SCRN3: variants seen among roughly 807,000 people sequenced by gnomAD.
SCRN3 encodes secernin-3.
A neutral mutation model predicts 43.1 loss-of-function variants in SCRN3; 39 were observed. The observed-to-expected ratio is 0.91, with a 90% CI of 0.70 to 1.18. The LOEUF (loss-of-function observed/expected upper bound fraction) is 1.18, where lower values mean the gene tolerates loss of function less well. SCRN3 is among the 50% of genes most tolerant of loss of function. SCRN3 has a pLI of 0.00. For synonymous variants in SCRN3, 147 were observed against 163.1 expected, an observed-to-expected ratio of 0.90 and a Z score of 0.75; for missense variants, 484 against 498.0, an observed-to-expected ratio of 0.97 and a Z score of 0.27.
At chr2:174,417,538 C>T (rs1374624311) in intron 5 of SCRN3, among the ~76,000 whole-genome samples, 3 of 152,080 alleles carry the variant, frequency 2.0e-5, no homozygotes, top group African/African-American at 7.2e-5. Context: ...GGATTACAGG[C>T]ACTCACCACC....
chr2:174,397,005 TA>T, intron 1 of SCRN3: 1 of 870,892 alleles, frequency 1.1e-6, no homozygotes, highest in Non-Finnish European at 1.4e-6. Flanking sequence ...AGAGAGAGAT[TA>T]AATAGTCTGC....
chr2:174,419,089 A>T (rs1686206630), intron 5 of SCRN3, among the ~76,000 whole-genome samples: 1 of 152,166 alleles, frequency 6.6e-6, no homozygotes, highest in South Asian at 2.1e-4. Context: ...AAATATTGTG[A>T]ATTACAATTT....
intron 5 of SCRN3, among the ~76,000 whole-genome samples, chr2:174,415,900 C>G (rs1409815416): frequency 6.6e-6 from 1 of 152,138 alleles, no homozygotes. Context: ...CCACCTTGGC[C>G]TATCAAAGTG....
rs1246603142 is a variant in SCRN3 at position 174,427,842 on chromosome 2, A to G, written c.1222A>G (p.Lys408Glu). The G allele has an allele frequency of 6.2e-7, 1 of 1,605,218 alleles. No individual in the cohort carries two copies. Among genetic ancestry groups the G allele is most frequent in the African/African-American group, 1.3e-5 (1 of 74,924 alleles). ...TGTTAATCTCTTTCCTCAGTGTACA[A>G]AAGATGAAATTCAAATTTATCAGTC... ...KIVNLFPQCT[K>E]DEIQIYQSNL... Residue 408 changes from lysine to glutamate, a missense_variant, in exon 8 of 8, where the codon AAA (lysine) becomes GAA (glutamate). By Grantham distance (56) the Lys-to-Glu change is moderately conservative. Coordinates refer to ENST00000272732, the MANE Select transcript of SCRN3 (RefSeq NM_024583.5).
intron 1 of SCRN3, chr2:174,397,479 A>G (rs1040350851): frequency 1.3e-5 from 9 of 690,784 alleles, no homozygotes; most frequent in Non-Finnish European, 1.6e-5. Flanking sequence ...AATATCAGCA[A>G]TTTGGAATTA....
intron 5 of SCRN3, among the ~76,000 whole-genome samples, chr2:174,416,371 A>G (rs1233077486): frequency 1.3e-5 from 2 of 152,206 alleles, no homozygotes; most frequent in African/African-American, 4.8e-5. Flanking sequence ...ATAAATGAAT[A>G]CCAGGTTTCT....
intron 1 of SCRN3, among the ~76,000 whole-genome samples, chr2:174,396,597 G>A (rs910759534): frequency 2.6e-5 from 4 of 152,164 alleles, no homozygotes; most frequent in African/African-American, 9.7e-5. Context: ...AGGAGTTCAA[G>A]ACCAGCCTGG....
chr2:174,401,215 C>T, intron 4 of SCRN3, 26 bp downstream of exon 4: 1 of 1,577,370 alleles, frequency 6.3e-7, no homozygotes, highest in Admixed American at 1.7e-5. Flanking sequence ...TGTGATTTAA[C>T]TTGTTTTTGC....
chr2:174,398,277 A>T lies in SCRN3; in HGVS notation c.-7A>T. On this transcript the variant is annotated splice_region_variant and 5_prime_UTR_variant, in exon 2 of 8. The change creates a premature stop within an existing upstream ORF in the 5' untranslated region. Transcript: ENST00000272732. ...TAAAACATCTGTATAATTTTTAGTTAAAAAAAATGGAACCTTTTTCCTGTG... is the reference window on the plus strand; with the variant it reads ...TAAAACATCTGTATAATTTTTAGTTTAAAAAAATGGAACCTTTTTCCTGTG... 1 of 1,505,212 alleles carries T rather than the reference A, an allele frequency of 6.6e-7. No homozygotes were observed. Among genetic ancestry groups the T allele is most frequent in the Non-Finnish European group, 8.9e-7 (1 of 1,119,698 alleles). The allele number at this position is 1,505,212 out of a possible 1,614,324, so 93.2% of individuals were successfully genotyped here.
chr2:174,413,286 C>T (rs1351104980), intron 5 of SCRN3, among the ~76,000 whole-genome samples: 1 of 152,148 alleles, frequency 6.6e-6, no homozygotes, highest in African/African-American at 2.4e-5. Context: ...AGGAAATGAA[C>T]CAGTTCCTTG....
intron 5 of SCRN3, among the ~76,000 whole-genome samples, chr2:174,415,397 C>A (rs1157446078): frequency 6.6e-6 from 1 of 152,024 alleles, no homozygotes; most frequent in Non-Finnish European, 1.5e-5. Context: ...TATATTCTTA[C>A]ATTTACTGAA....
At chr2:174,417,391 A>T (rs915559915) in intron 5 of SCRN3, among the ~76,000 whole-genome samples, 8 of 152,094 alleles carry the variant, frequency 5.3e-5, no homozygotes, top group African/African-American at 1.7e-4. Flanking sequence ...AAATGATTTA[A>T]TTATATTATT....
chr2:174,422,646 A>AT (rs35384791), intron 5 of SCRN3, among the ~76,000 whole-genome samples: 22 of 151,064 alleles, frequency 1.5e-4, no homozygotes, highest in African/African-American at 3.7e-4. Flanking sequence ...TTTTCTAGGG[A>AT]TTTTTTTACC....
chr2:174,427,658 G>C, intron 7 of SCRN3, 55 bp from the exon 8 acceptor site: 1 of 1,109,810 alleles, frequency 9.0e-7, no homozygotes, highest in South Asian at 2.2e-5. Context: ...GTTGAATTTG[G>C]TTAGATTTAT....
At chr2:174,411,415 T>G (rs1367425505) in intron 5 of SCRN3, among the ~76,000 whole-genome samples, 1 of 152,228 alleles carries the variant, frequency 6.6e-6, no homozygotes, top group Non-Finnish European at 1.5e-5. Context: ...CTACGACTAT[T>G]ATGATAGTTT....
intron 5 of SCRN3, among the ~76,000 whole-genome samples, chr2:174,413,826 G>A (rs1443918915): frequency 6.6e-6 from 1 of 151,700 alleles, no homozygotes; most frequent in African/African-American, 2.4e-5. Context: ...CCTGACCTCA[G>A]ATGTTCCACC....
chr2:174,408,461 T>G (rs945028071), intron 5 of SCRN3, among the ~76,000 whole-genome samples: 1 of 147,584 alleles, frequency 6.8e-6, no homozygotes, highest in Non-Finnish European at 1.5e-5. Flanking sequence ...CATTTATATT[T>G]AAAGTTAATA....
intron 5 of SCRN3, among the ~76,000 whole-genome samples, chr2:174,420,904 A>C (rs1686271663): frequency 6.6e-6 from 1 of 152,212 alleles, no homozygotes; most frequent in South Asian, 2.1e-4. Flanking sequence ...CAAAAGCAAT[A>C]GTTGAAGGAT....
chr2:174,424,694 A>T (rs1352500414), intron 7 of SCRN3, 45 bp downstream of exon 7: 2 of 1,477,012 alleles, frequency 1.4e-6, no homozygotes, highest in Non-Finnish European at 1.9e-6. Context: ...GTGTAAAGTT[A>T]GATTCAATCC....
Sources: allele counts gnomAD v4.1 joint callset (sites outside exome capture counted in the v4.1 genomes callset), GRCh38; gene constraint gnomAD v4.1.1; transcripts MANE v1.5; gene names NCBI Gene and HGNC (gene_info 2026-07-23, HGNC 2026-07-21).